The following MPRIP variants were observed in gnomAD, a reference collection of about 807,000 sequenced individuals.
The protein encoded by MPRIP is myosin phosphatase Rho interacting protein, also known as myosin phosphatase Rho-interacting protein.
A neutral mutation model predicts 234.9 loss-of-function variants in MPRIP; 59 were observed. The observed-to-expected ratio is 0.25, with a 90% confidence interval of 0.20 to 0.31. The LOEUF (loss-of-function observed/expected upper bound fraction) is 0.31, where lower values mean the gene tolerates loss of function less well. MPRIP is among the 10% of genes least tolerant of loss of function. The pLI is 1.00. For missense variants in MPRIP, 2,436 were observed against 3,071.0 expected (o/e 0.79, Z 4.89); for synonymous variants, 1,144 against 1,263.9 (o/e 0.91, Z 2.01).
At chr17:17,149,735 TATTTTATAA>T (rs1404475398) in intron 11 of MPRIP, 3 of 99,580 alleles carry the variant, frequency 3.0e-5, no homozygotes, top group African/African-American at 7.7e-5. Context: ...GTATAAAATA[TATTTTATAA>T]TATATTTTAA....
At chr17:17,096,290 TGTGTGTGTGTGTG>T (rs1567711864) in intron 3 of MPRIP, among the ~76,000 whole-genome samples, 7 of 1,404 alleles carry the variant, frequency 5.0e-3, no homozygotes, top group African/African-American at 0.012. Flanking sequence ...GTGTGCAGGG[TGTGTGTGTGTGTG>T]TGTGTGTGTG....
chr17:17,067,740 C>G (rs1194263058), intron 1 of MPRIP, among the ~76,000 whole-genome samples: 1 of 150,110 alleles, frequency 6.7e-6, no homozygotes, highest in Admixed American at 6.6e-5. Context: ...CAGGGTAACA[C>G]CAGCTTCATA....
chr17:17,069,252 C>G (rs1201867993), intron 1 of MPRIP, among the ~76,000 whole-genome samples: 1 of 152,130 alleles, frequency 6.6e-6, no homozygotes, highest in Non-Finnish European at 1.5e-5. Flanking sequence ...ACTCTGCTCT[C>G]CTTAGATTAA....
chr17:17,107,014 A>G (rs1426150697), intron 3 of MPRIP, among the ~76,000 whole-genome samples: 1 of 152,156 alleles, frequency 6.6e-6, no homozygotes, highest in Non-Finnish European at 1.5e-5. Context: ...AAGTCTTTGG[A>G]AGCAGAAAAT....
chr17:17,164,319 G>T lies in MPRIP; in HGVS notation c.2728G>T (p.Ala910Ser). 7.7e-7 allele frequency: 1 copy of T among 1,303,682 alleles called. No individual in the cohort carries two copies. Among genetic ancestry groups the T allele is most frequent in the Non-Finnish European group, 1.0e-6 (1 of 988,952 alleles). 80.8% of individuals were successfully genotyped at this position (1,303,682 alleles called of 1,614,324 possible). Residue 910 changes from alanine (A) to serine (S), a missense_variant, in exon 16 of 24, where the codon GCC (alanine) becomes TCC (serine). Physicochemically the swap from Ala to Ser is moderately conservative, Grantham distance 99 (BLOSUM62 1). Around this residue, in one of 4 missense-constraint regions of MPRIP, gnomAD observed 1,998 missense variants for 2,520.3 expected, o/e 0.79. Coordinates refer to ENST00000651222, the MANE Select transcript of MPRIP (RefSeq NM_001364716.4). ...CCTTCAGGCACGGCTCAGCAATGCG[G>T]CCGCTGAGCTAGCCATCAAGGAGCA... Reference protein sequence around the residue: ...RSLQARLSNAAAELAIKEQAL... With the variant: ...RSLQARLSNASAELAIKEQAL...
rs148921890 is a variant in MPRIP at position 17,138,364 on chromosome 17, G to A, written c.1185G>A (p.Glu395=). 6.3e-5 allele frequency: 22 copies of A among 347,256 alleles called. No individual in the cohort carries two copies. The East Asian group carries it at 1.1e-3, about 18-fold the overall frequency. 21.5% of individuals were successfully genotyped at this position (347,256 alleles called of 1,614,324 possible). Residue 395 remains glutamate, a synonymous_variant, in exon 7 of 24, where the codon GAG becomes GAA. Transcript: ENST00000651222. The surrounding 1 kb of genome is among the most constrained non-coding windows in gnomAD (Gnocchi z 5.8). Reference sequence around the variant, plus strand: ...TCCAGGTGGAGAGAAGGCGGCTGGAGCGTAGAACTCGGGCCCGGAGCCCTG... The same window carrying A: ...TCCAGGTGGAGAGAAGGCGGCTGGAACGTAGAACTCGGGCCCGGAGCCCTG... ...EAFQVERRRL[E]RRTRARSPGR... is the part of the protein sequence containing the mutation.
rs535990329 is a variant in MPRIP at position 17,158,601 on chromosome 17, C to T, written c.1999C>T (p.Arg667Cys). The change falls in exon 14 of 24, where the codon CGT (arginine) becomes TGT (cysteine). Residue 667 changes from arginine (R) to cysteine (C), a missense_variant. Physicochemically the swap from Arg to Cys is radical, Grantham distance 180. Around this residue, in one of 4 missense-constraint regions of MPRIP, gnomAD observed 1,998 missense variants for 2,520.3 expected, o/e 0.79. Transcript: ENST00000651222. ...RSKTFDWAEF[R>C]PIQQALAQER... ...CAAGACCTTTGACTGGGCTGAGTTC[C>T]GTCCCATCCAGCAGGCCCTGGCTCA... 2.2e-5 allele frequency: 35 copies of T among 1,606,186 alleles called. No individual in the cohort carries two copies. The highest frequency in any genetic ancestry group is 2.0e-4 in the Middle Eastern group (1 of 5,048).
rs2046277593 is a variant in MPRIP, at chr17:17,177,359, C to T, written c.7067C>T (p.Ala2356Val). The T allele has an allele frequency of 2.5e-6, 4 of 1,613,806 alleles. No homozygotes were observed. The East Asian group carries it at 8.9e-5, about 36-fold the overall frequency. ...ISRLKEQLKA[A>V]TEALGEKSPD... ...AGGTTGAAGGAGCAGCTCAAGGCTG[C>T]AACGGAAGCACTGGGGGAGAAGTCC... is the stretch of plus-strand genomic sequence containing the variant. The change falls in exon 22 of 24, where the codon GCA becomes GTA. Residue 2356 changes from alanine to valine, a missense_variant. Transcript: ENST00000651222.
chr17:17,142,505 C>T lies in MPRIP; in HGVS notation c.1251-122C>T, dbSNP rs373416497. Reference sequence around the variant, plus strand: ...AGCTGAGCACGTGTCTAGACAACCTCGGTGCTGTGCAAGCCTGAGGGGAAT... The same window carrying T: ...AGCTGAGCACGTGTCTAGACAACCTTGGTGCTGTGCAAGCCTGAGGGGAAT... On this transcript the variant is annotated intron_variant, in intron 7 of 23. Coordinates refer to ENST00000651222, the MANE Select transcript of MPRIP (RefSeq NM_001364716.4). 2.0e-5 allele frequency: 24 copies of T among 1,177,152 alleles called. No individual in the cohort carries two copies. The East Asian group carries it at 3.1e-4, about 15-fold the overall frequency. The allele number at this position is 1,177,152 out of a possible 1,614,324, so 72.9% of individuals were successfully genotyped here.
intron 1 of MPRIP, among the ~76,000 whole-genome samples, chr17:17,069,039 A>G (rs1384840943): frequency 6.6e-6 from 1 of 152,144 alleles, no homozygotes; most frequent in Non-Finnish European, 1.5e-5. Flanking sequence ...AGTCTCCAAC[A>G]ATATTTGTGG....
Position 17,048,630 on chromosome 17 carries a change from G to GAT in MPRIP, c.123+5660_123+5661insTA, listed in dbSNP as rs556555905. Among the ~76,000 whole-genome samples the GAT allele has an allele frequency of 3.9e-3, 591 of 152,198 alleles. 6 individuals are homozygous for GAT. The highest frequency in any genetic ancestry group is 0.01 in the Middle Eastern group (3 of 294). ...GCGAAACCCAAATTGAAACCACAGTGAGATATCACTTCATACCTGTCAGGA... is the reference window on the plus strand; with the variant it reads ...GCGAAACCCAAATTGAAACCACAGTGATAGATATCACTTCATACCTGTCAGGA... On this transcript the variant is annotated intron_variant, in intron 1 of 23. Coordinates refer to ENST00000651222, the MANE Select transcript of MPRIP (RefSeq NM_001364716.4).
At chr17:17,161,379 G>A (rs781410815) in intron 15 of MPRIP, 23 bp downstream of exon 15, 6 of 1,503,536 alleles carry the variant, frequency 4.0e-6, no homozygotes, top group Middle Eastern at 1.7e-4. Context: ...GGCTGCTGTG[G>A]CCCATGGTGC....
intron 3 of MPRIP, among the ~76,000 whole-genome samples, chr17:17,116,139 A>G (rs1306623796): frequency 2.6e-5 from 4 of 152,222 alleles, no homozygotes; most frequent in African/African-American, 9.6e-5. Context: ...ACTGAAGCAC[A>G]TATTGGAAGG....
chr17:17,186,574 G>A lies in MPRIP; in HGVS notation c.*1680G>A, dbSNP rs1039699044. ...GGTTTGTTTAAAAATCTACTTCTCT[G>A]AGGTGGCACAGTTGCGTAGCTGTAG... On this transcript the variant is annotated 3_prime_UTR_variant, in exon 24 of 24. Coordinates refer to ENST00000651222, the MANE Select transcript of MPRIP (RefSeq NM_001364716.4). 1.3e-5 allele frequency: 2 copies of A among 152,180 alleles called. No individual in the cohort carries two copies. Among genetic ancestry groups the A allele is most frequent in the Admixed American group, 1.3e-4 (2 of 15,280 alleles). 9.4% of individuals were successfully genotyped at this position (152,180 alleles called of 1,614,324 possible). A position where few individuals can be genotyped will look rare whatever the true frequency, so the allele number is the denominator to read the frequency against.
intron 1 of MPRIP, among the ~76,000 whole-genome samples, chr17:17,056,459 G>A (rs1165285255): frequency 6.6e-6 from 1 of 152,166 alleles, no homozygotes; most frequent in Non-Finnish European, 1.5e-5. Context: ...CAGGGGCAGG[G>A]GCCGGGGCTG....
chr17:17,166,279 G>T lies in MPRIP; in HGVS notation c.4688G>T (p.Arg1563Met), dbSNP rs1429505438. Residue 1563 changes from arginine to methionine, a missense_variant, in exon 16 of 24, where the codon AGG (arginine) becomes ATG (methionine). By Grantham distance (91) the Arg-to-Met change is moderately conservative. Transcript: ENST00000651222. The surrounding 1 kb of genome is among the most constrained non-coding windows in gnomAD (Gnocchi z 4.4). ...QSELTEQEQV[R>M]LLSDQIALEA... ...GAGTTGACAGAGCAGGAGCAGGTGA[G>T]GCTTCTTTCTGACCAGATTGCTCTG... 1.7e-5 allele frequency: 22 copies of T among 1,304,344 alleles called. No individual in the cohort carries two copies. The highest frequency in any genetic ancestry group is 2.2e-5 in the Non-Finnish European group (22 of 988,978). The allele number at this position is 1,304,344 out of a possible 1,614,324, so 80.8% of individuals were successfully genotyped here. A position where few individuals can be genotyped will look rare whatever the true frequency, so the allele number is the denominator to read the frequency against.
chr17:17,089,535 A>T (rs181383927), intron 3 of MPRIP, among the ~76,000 whole-genome samples: 4 of 151,988 alleles, frequency 2.6e-5, no homozygotes, highest in African/African-American at 4.8e-5. Flanking sequence ...TGGCGCAGTC[A>T]TAGCTCACTG....
Position 17,166,758 on chromosome 17 carries a change from G to C in MPRIP, c.5167G>C (p.Val1723Leu). 1 of 1,304,252 alleles carries C rather than the reference G, an allele frequency of 7.7e-7. No individual in the cohort carries two copies. Among genetic ancestry groups the C allele is most frequent in the Non-Finnish European group, 1.0e-6 (1 of 988,970 alleles). The allele number at this position is 1,304,252 out of a possible 1,614,324, so 80.8% of individuals were successfully genotyped here. ...GAYQTPDFER[V>L]MQQVLEALRL... ...CTACCAAACCCCAGACTTTGAAAGA[G>C]TGATGCAGCAGGTCTTGGAAGCCCT... The change falls in exon 16 of 24, where the codon GTG becomes CTG. Residue 1723 changes from valine to leucine, a missense_variant. Val to Leu is a conservative substitution (Grantham distance 32). Coordinates refer to ENST00000651222, the MANE Select transcript of MPRIP (RefSeq NM_001364716.4). This position sits in a 1 kb window ranked among gnomAD's most constrained non-coding sequence, Gnocchi z 4.4.
intron 1 of MPRIP, among the ~76,000 whole-genome samples, chr17:17,046,412 G>A (rs2088353647): frequency 6.6e-6 from 1 of 152,114 alleles, no homozygotes; most frequent in Non-Finnish European, 1.5e-5. Context: ...TTCTCTGGGG[G>A]CAGATACCTA....
Sources: allele counts gnomAD v4.1 joint callset (sites outside exome capture counted in the v4.1 genomes callset), GRCh38; gene constraint gnomAD v4.1.1; regional missense constraint gnomAD v4.1.1; non-coding constraint Gnocchi (gnomAD v3.1); transcripts MANE v1.5; gene names NCBI Gene and HGNC (gene_info 2026-07-23, HGNC 2026-07-21).